The following MARCO variants were observed in gnomAD, a reference collection of about 807,000 sequenced individuals.
MARCO encodes the protein macrophage receptor with collagenous structure.
MARCO carries 72 observed loss-of-function variants against 70.0 expected under a neutral mutation model. The ratio of observed to expected loss-of-function variants is 1.03; its 90% CI spans 0.85 to 1.25. MARCO has a LOEUF of 1.25. MARCO is among the 50% of genes most tolerant of loss of function. The pLI is 0.00. For missense variants in MARCO, 696 were observed against 659.3 expected (o/e 1.06, Z -0.61); for synonymous variants, 273 against 243.1 (o/e 1.12, Z -1.14).
intron 1 of MARCO, chr2:118,952,670 T>C (rs1679745954): frequency 6.6e-6 from 1 of 152,268 alleles, no homozygotes; most frequent in Non-Finnish European, 1.5e-5. Context: ...GCTAGGTTGC[T>C]GGCCAGTTTC....
chr2:118,958,882 G>A (rs923860022), intron 1 of MARCO, among the ~76,000 whole-genome samples: 4 of 151,818 alleles, frequency 2.6e-5, no homozygotes, highest in Non-Finnish European at 5.9e-5. Flanking sequence ...AATATAAAGT[G>A]GGGAAAGGAC....
At chr2:118,958,937 T>C (rs1238438018) in intron 1 of MARCO, among the ~76,000 whole-genome samples, 1 of 152,066 alleles carries the variant, frequency 6.6e-6, no homozygotes, top group Non-Finnish European at 1.5e-5. Flanking sequence ...TAGCCACATA[T>C]AGGAGAATGA....
chr2:118,970,205 G>A lies in MARCO; in HGVS notation c.291G>A (p.Leu97=). The change falls in exon 3 of 17, where the codon CTG becomes CTA. Residue 97 remains leucine (L), a synonymous_variant. Transcript: ENST00000327097. The part of the protein sequence containing the change: ...AAEDSPSFSL[L]QSAHPGEHLA... ...AGGACAGCCCGTCCTTCTCCTTGCT[G>A]CAGTCAGCACACCCTGGAGAACACC... 1 of 1,614,120 alleles carries A rather than the reference G, an allele frequency of 6.2e-7. No individual in the cohort carries two copies. The highest frequency in any genetic ancestry group is 1.1e-5 in the South Asian group (1 of 91,080).
At chr2:118,960,118 A>AAATAATAATAAT (rs10676998) in intron 1 of MARCO, among the ~76,000 whole-genome samples, 1 of 149,894 alleles carries the variant, frequency 6.7e-6, no homozygotes, top group African/African-American at 2.5e-5. Context: ...AAATAAAATA[A>AAATAATAATAAT]AATAATAATA....
At chr2:118,958,153 C>A (rs1679873458) in intron 1 of MARCO, among the ~76,000 whole-genome samples, 1 of 151,650 alleles carries the variant, frequency 6.6e-6, no homozygotes, top group Non-Finnish European at 1.5e-5. Flanking sequence ...CTAGCCAGAG[C>A]AATCAGACAA....
intron 1 of MARCO, among the ~76,000 whole-genome samples, chr2:118,965,729 T>C (rs1573387542): frequency 6.6e-6 from 1 of 152,342 alleles, no homozygotes; most frequent in African/African-American, 2.4e-5. Context: ...TTATGTAGGT[T>C]CTGGCCTACT....
At chr2:118,974,086 G>C (rs1680227808) in intron 4 of MARCO, among the ~76,000 whole-genome samples, 1 of 152,090 alleles carries the variant, frequency 6.6e-6, no homozygotes, top group Admixed American at 6.5e-5. Context: ...ACTTGCACAA[G>C]GTCACCCAGC....
chr2:118,977,312 G>C (rs1170540010), intron 6 of MARCO, among the ~76,000 whole-genome samples, 159 bp from the exon 7 acceptor site: 1 of 144,710 alleles, frequency 6.9e-6, no homozygotes, highest in Non-Finnish European at 1.5e-5. Flanking sequence ...GTGCATGTGT[G>C]TGAAAAAGAG....
At chr2:118,952,264 C>T (rs182644787) in intron 1 of MARCO, among the ~76,000 whole-genome samples, 238 of 152,268 alleles carry the variant, frequency 1.6e-3, no homozygotes, top group African/African-American at 5.6e-3. Context: ...CTTGCCTTGC[C>T]TGCCCTGGGA....
chr2:118,993,627 C>A (rs1338234467), intron 16 of MARCO, among the ~76,000 whole-genome samples: 1 of 152,124 alleles, frequency 6.6e-6, no homozygotes, highest in African/African-American at 2.4e-5. Context: ...TGAGTTGATG[C>A]AACTGGAAGA....
intron 1 of MARCO, among the ~76,000 whole-genome samples, chr2:118,943,670 G>A (rs564509033): frequency 2.7e-4 from 41 of 152,348 alleles, no homozygotes; most frequent in African/African-American, 8.4e-4. Flanking sequence ...AAGGGAGTCC[G>A]TTAGAGAAAG....
At chr2:118,990,423 G>A (rs192587383) in intron 12 of MARCO, among the ~76,000 whole-genome samples, 166 bp from the exon 13 acceptor site, 255 of 152,278 alleles carry the variant, frequency 1.7e-3, no homozygotes, top group African/African-American at 5.8e-3. Context: ...TCTGCAGACT[G>A]TCTCTTTTCA....
intron 12 of MARCO, among the ~76,000 whole-genome samples, chr2:118,988,915 C>T (rs765780912): frequency 6.6e-6 from 1 of 152,172 alleles, no homozygotes; most frequent in South Asian, 2.1e-4. Context: ...GGCTGGGCAC[C>T]GGGCTCAGCG....
At chr2:118,964,350 A>G (rs1205611222) in intron 1 of MARCO, among the ~76,000 whole-genome samples, 12 of 152,172 alleles carry the variant, frequency 7.9e-5, no homozygotes. Flanking sequence ...CTAGTTTACT[A>G]TATCATTTCC....
chr2:118,970,195 TCTC>T lies in MARCO; in HGVS notation c.284_286del (p.Ser95del). 3 of 1,614,106 alleles carry T rather than the reference TCTC, an allele frequency of 1.9e-6. No homozygotes were observed. The highest frequency in any genetic ancestry group is 2.5e-6 in the Non-Finnish European group (3 of 1,180,020). On this transcript the variant is annotated inframe_deletion, in exon 3 of 17. Transcript: ENST00000327097. Reference sequence around the variant, plus strand: ...CTGGCGGCTGAGGACAGCCCGTCCTTCTCCTTGCTGCAGTCAGCACACCCTGGA... The same window carrying T: ...CTGGCGGCTGAGGACAGCCCGTCCTTCTTGCTGCAGTCAGCACACCCTGGA...
Position 118,991,628 on chromosome 2 carries a change from G to A in MARCO, c.1109-149G>A, listed in dbSNP as rs113629753. On this transcript the variant is annotated intron_variant, in intron 13 of 16. Transcript: ENST00000327097. ...GAGAGATCAGTGCAGCCCCCAGATG[G>A]ACCAAAGACAGGCTGAACATTCAGA... is the stretch of plus-strand genomic sequence containing the variant. 8.9e-3 allele frequency: 5,055 copies of A among 568,408 alleles called. 194 individuals are homozygous for A. The highest frequency in any genetic ancestry group is 0.087 in the African/African-American group (4,499 of 51,840). 35.2% of individuals were successfully genotyped at this position (568,408 alleles called of 1,614,324 possible). A position where few individuals can be genotyped will look rare whatever the true frequency, so the allele number is the denominator to read the frequency against.
intron 1 of MARCO, among the ~76,000 whole-genome samples, chr2:118,947,150 A>G (rs1679615861): frequency 6.6e-6 from 1 of 152,224 alleles, no homozygotes; most frequent in Non-Finnish European, 1.5e-5. Context: ...TTTACAATGC[A>G]AAAGTTTTTA....
chr2:118,988,149 A>T (rs887898350), intron 12 of MARCO, among the ~76,000 whole-genome samples: 1 of 152,206 alleles, frequency 6.6e-6, no homozygotes, highest in Admixed American at 6.5e-5. Context: ...CCCCTGGCAC[A>T]GTGCCTGGCG....
intron 1 of MARCO, among the ~76,000 whole-genome samples, chr2:118,966,113 G>T (rs556722809): frequency 6.6e-6 from 1 of 152,334 alleles, no homozygotes; most frequent in East Asian, 1.9e-4. Context: ...ACCCCAGGAG[G>T]TGGCAGACCT....
Sources: gnomAD v4.1 joint callset for allele counts (sites outside exome capture counted in the v4.1 genomes callset) on GRCh38, gnomAD v4.1.1 for gene constraint, MANE v1.5 for transcripts, NCBI Gene and HGNC (gene_info 2026-07-23, HGNC 2026-07-21) for gene names.